The following DHX16 variants were observed in gnomAD, a reference collection of about 807,000 sequenced individuals.
The protein encoded by DHX16 is pre-mRNA-splicing factor ATP-dependent RNA helicase DHX16.
In DHX16, 81 loss-of-function variants were observed where a neutral mutation model predicts 131.2. The observed-to-expected ratio is 0.62, with a 90% CI of 0.52 to 0.74. DHX16 has a LOEUF of 0.74. Ranked by LOEUF, DHX16 falls within the 30% of genes least tolerant of loss-of-function variation. The pLI is 0.00. For missense variants in DHX16, 980 were observed against 1,363.1 expected, an observed-to-expected ratio of 0.72 and a Z score of 4.43; for synonymous variants, 440 against 520.2, an observed-to-expected ratio of 0.85 and a Z score of 2.10.
chr6:30,654,974 T>C, intron 18 of DHX16, 95 bp from the exon 19 acceptor site: 1 of 1,448,116 alleles, frequency 6.9e-7, no homozygotes, highest in Non-Finnish European at 9.3e-7. Flanking sequence ...TCAGGAAAAC[T>C]AGAGAGGTAA....
chr6:30,671,088 G>T lies in DHX16; in HGVS notation c.394C>A (p.Arg132Ser). Residue 132 changes from arginine to serine, a missense_variant, in exon 2 of 20, where the codon CGT becomes AGT. Physicochemically the swap from Arg to Ser is moderately radical, Grantham distance 110 (BLOSUM62 -1). Coordinates refer to ENST00000376442, the MANE Select transcript of DHX16 (RefSeq NM_003587.5). ...RKKRKHLRKK[R>S]EEEEEEEASE... ...GCCTCTTCCTCCTCTTCTTCCTCAC[G>T]CTTCTTCCTGAGGTGTTTCCGCTTT... The T allele has an allele frequency of 1.2e-6, 2 of 1,612,840 alleles. No individual in the cohort carries two copies. The highest frequency in any genetic ancestry group is 1.3e-5 in the African/African-American group (1 of 74,926).
At position 30,656,691 on chromosome 6, in the gene DHX16, G is replaced by A. The variant is rs754833275; in HGVS notation, c.2217C>T (p.Thr739=). The A allele has an allele frequency of 1.4e-5, 22 of 1,613,662 alleles. No homozygotes were observed. Among genetic ancestry groups the A allele is most frequent in the South Asian group, 1.3e-4 (12 of 91,088 alleles). ...CAAGCTCGTGCTGATAGGCCCAGGC[G>A]GTATACAGGCGGAAGCACTTCCCTG... is the stretch of plus-strand genomic sequence containing the variant. The part of the protein sequence containing the change: ...VAAGKCFRLY[T]AWAYQHELEE... Residue 739 remains threonine, a synonymous_variant, in exon 14 of 20, where the codon ACC becomes ACT. Transcript: ENST00000376442. This position sits in a 1 kb window ranked among gnomAD's most constrained non-coding sequence, Gnocchi z 5.1.
At position 30,670,340 on chromosome 6, in the gene DHX16, C is replaced by T; in HGVS notation, c.666+70G>A. On this transcript the variant is annotated intron_variant, in intron 4 of 19. Coordinates refer to ENST00000376442, the MANE Select transcript of DHX16 (RefSeq NM_003587.5). The surrounding 1 kb of genome is among the most constrained non-coding windows in gnomAD (Gnocchi z 4.4). ...ACTGTGCTTCCTCTGTATCCTCTCT[C>T]CCTATACACTCTATCAGAAAGTCTT... 6.8e-7 allele frequency: 1 copy of T among 1,475,146 alleles called. No homozygotes were observed. The highest frequency in any genetic ancestry group is 9.3e-7 in the Non-Finnish European group (1 of 1,078,404). 91.4% of individuals were successfully genotyped at this position (1,475,146 alleles called of 1,614,324 possible).
In DHX16 at chr6:30,670,803, C is replaced by A; in HGVS notation, c.596G>T (p.Arg199Leu). ...DKDRTRNVLE[R>L]SDKKAYEEAQ... is the part of the protein sequence containing the mutation. ...GCTCCTATTCACCTTCTTGTCTGAC[C>A]GTTCCAGGACATTTCGAGTCCGATC... The change falls in exon 3 of 20, where the codon CGG becomes CTG. Residue 199 changes from arginine to leucine, a missense_variant. Around this residue, in one of 3 missense-constraint regions of DHX16, gnomAD observed 457 missense variants for 554.8 expected, o/e 0.82. Transcript: ENST00000376442. This position sits in a 1 kb window ranked among gnomAD's most constrained non-coding sequence, Gnocchi z 4.4. 1.2e-6 allele frequency: 2 copies of A among 1,612,942 alleles called. No homozygotes were observed. Among genetic ancestry groups the A allele is most frequent in the Non-Finnish European group, 8.5e-7 (1 of 1,180,024 alleles).
intron 19 of DHX16, among the ~76,000 whole-genome samples, chr6:30,653,773 C>T (rs1278201287): frequency 6.6e-6 from 1 of 152,180 alleles, no homozygotes; most frequent in African/African-American, 2.4e-5. Context: ...ACCCAAAGGG[C>T]AGATACACCT....
intron 7 of DHX16, among the ~76,000 whole-genome samples, chr6:30,663,497 G>A (rs924360033): frequency 2.0e-5 from 3 of 147,770 alleles, no homozygotes; most frequent in African/African-American, 5.0e-5. Context: ...CGAGGCAGAC[G>A]GATCTCCTGA....
At position 30,670,715 on chromosome 6, in the gene DHX16, T is replaced by C; in HGVS notation, c.609+75A>G. The C allele has an allele frequency of 1.3e-6, 2 of 1,586,186 alleles. No homozygotes were observed. The highest frequency in any genetic ancestry group is 1.7e-6 in the Non-Finnish European group (2 of 1,163,118). On this transcript the variant is annotated intron_variant, in intron 3 of 19. Coordinates refer to ENST00000376442, the MANE Select transcript of DHX16 (RefSeq NM_003587.5). This position sits in a 1 kb window ranked among gnomAD's most constrained non-coding sequence, Gnocchi z 4.4. ...CCCCTTGTCTTCCCAGAGATCACTA[T>C]CTCTGCACTCACAGCCAACCTCAGA...
rs1769529102 is a variant in DHX16, at chr6:30,671,309, A to G, written c.208-35T>C. 5 of 1,585,264 alleles carry G rather than the reference A, an allele frequency of 3.2e-6. No individual in the cohort carries two copies. In the South Asian group the frequency reaches 5.6e-5, roughly 18 times the overall value. On this transcript the variant is annotated intron_variant, in intron 1 of 19. Transcript: ENST00000376442. ...GAGGGGAAGATAAGGAGGTCTGAGC[A>G]ACTCCTGATCTCTGCCCTCCCACTT...
Position 30,670,508 on chromosome 6 carries a change from G to GC in DHX16, c.610-43dup. 6.3e-7 allele frequency: 1 copy of GC among 1,586,810 alleles called. No individual in the cohort carries two copies. The highest frequency in any genetic ancestry group is 8.6e-7 in the Non-Finnish European group (1 of 1,161,370). ...GAATGGAGGGGTGTGAGGCCAAAGA[G>GC]CCCCCACACTGACAGCTGCTCCCCT... On this transcript the variant is annotated intron_variant, in intron 3 of 19. Transcript: ENST00000376442. The surrounding 1 kb of genome is among the most constrained non-coding windows in gnomAD (Gnocchi z 4.4).
intron 1 of DHX16, 24 bp downstream of exon 1, chr6:30,672,611 G>GC: frequency 6.3e-7 from 1 of 1,590,270 alleles, no homozygotes. Context: ...AAATCACAGG[G>GC]CCCCTCCCCA....
At chr6:30,664,443 C>T (rs1768813715) in intron 7 of DHX16, among the ~76,000 whole-genome samples, 2 of 149,554 alleles carry the variant, frequency 1.3e-5, no homozygotes, top group Non-Finnish European at 3.0e-5. Context: ...CACCACTGCA[C>T]TCCAGCCTGG....
At position 30,653,331 on chromosome 6, in the gene DHX16, G is replaced by A. The variant is rs2127574146; in HGVS notation, c.3037C>T (p.Pro1013Ser). ...AGCTCCTTGGCCTTATAATAATGGG[G>A]AGCCACCTCCAGAAGCCAACTGCTC... ...IESSWLLEVAPHYYKAKELED... is the reference protein window; with the variant it reads ...IESSWLLEVASHYYKAKELED... The change falls in exon 20 of 20, where the codon CCC becomes TCC. Residue 1013 changes from proline to serine, a missense_variant. Coordinates refer to ENST00000376442, the MANE Select transcript of DHX16 (RefSeq NM_003587.5). The A allele has an allele frequency of 6.2e-7, 1 of 1,612,808 alleles. No homozygotes were observed. Among genetic ancestry groups the A allele is most frequent in the Non-Finnish European group, 8.5e-7 (1 of 1,179,956 alleles).
Position 30,662,889 on chromosome 6 carries a change from C to G in DHX16, c.1428+22G>C, listed in dbSNP as rs752504226. 1.6e-5 allele frequency: 25 copies of G among 1,608,256 alleles called. No individual in the cohort carries two copies. Among genetic ancestry groups the G allele is most frequent in the East Asian group, 8.9e-5 (4 of 44,880 alleles). On this transcript the variant is annotated intron_variant, in intron 8 of 19. Coordinates refer to ENST00000376442, the MANE Select transcript of DHX16 (RefSeq NM_003587.5). The surrounding 1 kb of genome is among the most constrained non-coding windows in gnomAD (Gnocchi z 4.7). ...GAGTCACAGACCCCAGACTCTACCC[C>G]CCGGTTCCCTAGAAATCTCACCTCA... is the stretch of plus-strand genomic sequence containing the variant.
At chr6:30,664,711 T>C in intron 7 of DHX16, 90 bp downstream of exon 7, 1 of 1,163,752 alleles carries the variant, frequency 8.6e-7, no homozygotes, top group South Asian at 1.5e-5. Context: ...GGTAAGTGAC[T>C]ACTAAAAATA....
intron 7 of DHX16, among the ~76,000 whole-genome samples, chr6:30,664,125 T>A (rs1318437344): frequency 6.6e-6 from 1 of 151,910 alleles, no homozygotes; most frequent in Non-Finnish European, 1.5e-5. Context: ...GAGTCCCAGG[T>A]TGCAGTGAGT....
chr6:30,656,884 G>A lies in DHX16; in HGVS notation c.2148+68C>T. 6.3e-7 allele frequency: 1 copy of A among 1,589,326 alleles called. No individual in the cohort carries two copies. Among genetic ancestry groups the A allele is most frequent in the Non-Finnish European group, 8.6e-7 (1 of 1,166,806 alleles). ...CGGTTCCCTAGGAAGCCCCCACCCTGCTTCTGAGTTGGACCTTCTCTGTGG... is the reference window on the plus strand; with the variant it reads ...CGGTTCCCTAGGAAGCCCCCACCCTACTTCTGAGTTGGACCTTCTCTGTGG... On this transcript the variant is annotated intron_variant, in intron 13 of 19. Transcript: ENST00000376442. This position sits in a 1 kb window ranked among gnomAD's most constrained non-coding sequence, Gnocchi z 5.1.
At position 30,660,083 on chromosome 6, in the gene DHX16, A is replaced by C; in HGVS notation, c.1704T>G (p.Pro568=). The C allele has an allele frequency of 6.2e-7, 1 of 1,612,844 alleles. No individual in the cohort carries two copies. The highest frequency in any genetic ancestry group is 8.5e-7 in the Non-Finnish European group (1 of 1,179,898). The change falls in exon 10 of 20, where the codon CCT becomes CCG. Residue 568 remains proline (P), a synonymous_variant. Coordinates refer to ENST00000376442, the MANE Select transcript of DHX16 (RefSeq NM_003587.5). Reference sequence around the variant, plus strand: ...ACCTGCGTCCGGGGATTCGAAACACAGGGGCGTCATCAAAGAAGGTGGAAA... The same window carrying C: ...ACCTGCGTCCGGGGATTCGAAACACCGGGGCGTCATCAAAGAAGGTGGAAA... ...ARFSTFFDDA[P]VFRIPGRRFP...
At position 30,654,804 on chromosome 6, in the gene DHX16, TCTG is replaced by T. The variant is rs763612542; in HGVS notation, c.2896_2898del (p.Gln966del). 1 of 1,613,026 alleles carries T rather than the reference TCTG, an allele frequency of 6.2e-7. No homozygotes were observed. The highest frequency in any genetic ancestry group is 8.5e-7 in the Non-Finnish European group (1 of 1,180,000). ...GAGGAGTTGGGATGAATGAAGACTGTCTGCTGCTGTTTCACTGTGCGGTAGCCA... is the reference window on the plus strand; with the variant it reads ...GAGGAGTTGGGATGAATGAAGACTGTCTGCTGTTTCACTGTGCGGTAGCCA... On this transcript the variant is annotated inframe_deletion, in exon 19 of 20. Transcript: ENST00000376442.
intron 10 of DHX16, 49 bp downstream of exon 10, chr6:30,659,983 C>T: frequency 6.3e-7 from 1 of 1,592,500 alleles, no homozygotes; most frequent in South Asian, 1.1e-5. Context: ...TCTCCAAAGG[C>T]CTCAGCTTTT....
Sources: gnomAD v4.1 joint callset for allele counts (sites outside exome capture counted in the v4.1 genomes callset) on GRCh38, gnomAD v4.1.1 for gene constraint, gnomAD v4.1.1 regional missense constraint, Gnocchi (gnomAD v3.1) non-coding constraint, MANE v1.5 for transcripts, NCBI Gene and HGNC (gene_info 2026-07-23, HGNC 2026-07-21) for gene names.